CHST3: variants seen among roughly 807,000 people sequenced by gnomAD.
CHST3 encodes C6ST-1.
CHST3 carries 20 observed loss-of-function variants against 35.4 expected under a neutral mutation model. The ratio of observed to expected loss-of-function variants is 0.57; its 90% CI spans 0.40 to 0.82. The LOEUF (loss-of-function observed/expected upper bound fraction) is 0.82. Ranked by LOEUF, CHST3 falls within the 40% of genes least tolerant of loss-of-function variation. CHST3 has a pLI of 0.00. For synonymous variants in CHST3, 334 were observed against 295.9 expected (o/e 1.13, Z -1.32); for missense variants, 693 against 670.1 (o/e 1.03, Z -0.38).
At chr10:71,995,698 T>G (rs1839932400) in intron 1 of CHST3, among the ~76,000 whole-genome samples, 3 of 152,084 alleles carry the variant, frequency 2.0e-5, no homozygotes, top group Non-Finnish European at 4.4e-5. Flanking sequence ...GACCAGGGAA[T>G]GGCTGGTTGG....
At position 71,983,939 on chromosome 10, in the gene CHST3, C is replaced by T. The variant is rs1042824056; in HGVS notation, c.-108+19245C>T. ...ACTTTGTAACTTTACTTCATCCTCT[C>T]CATTTACATAGGGCGTACCCAAAAT... is the stretch of plus-strand genomic sequence containing the variant. On this transcript the variant is annotated intron_variant, in intron 1 of 2. Coordinates refer to ENST00000373115, the MANE Select transcript of CHST3 (RefSeq NM_004273.5). 3.3e-5 allele frequency among the ~76,000 whole-genome samples: 5 copies of T among 152,230 alleles called. 1 individual carries two copies. The East Asian group carries it at 9.6e-4, about 29-fold the overall frequency.
intron 1 of CHST3, among the ~76,000 whole-genome samples, chr10:72,002,643 T>A (rs1190373659): frequency 2.0e-5 from 3 of 152,126 alleles, no homozygotes; most frequent in Non-Finnish European, 4.4e-5. Context: ...TTCCCTCACA[T>A]CATCAGCTCC....
chr10:71,965,261 G>C (rs1177676567), intron 1 of CHST3, among the ~76,000 whole-genome samples: 2 of 151,844 alleles, frequency 1.3e-5, no homozygotes, highest in Non-Finnish European at 2.9e-5. Context: ...TGATGTGTGA[G>C]TGTGCGAAGC....
chr10:71,975,483 C>G (rs1006150362), intron 1 of CHST3, among the ~76,000 whole-genome samples: 12 of 152,244 alleles, frequency 7.9e-5, no homozygotes, highest in African/African-American at 2.9e-4. Flanking sequence ...GTTTTCATCT[C>G]AAAGTGTAGG....
chr10:71,983,527 T>G (rs531584687), intron 1 of CHST3, among the ~76,000 whole-genome samples: 2 of 152,288 alleles, frequency 1.3e-5, no homozygotes, highest in East Asian at 3.9e-4. Context: ...CTTGGCTCAC[T>G]GCAACCTCTG....
chr10:71,996,543 A>G (rs1028187337), intron 1 of CHST3, among the ~76,000 whole-genome samples: 9 of 150,810 alleles, frequency 6.0e-5, no homozygotes, highest in Non-Finnish European at 1.2e-4. Flanking sequence ...GGTGTGTCCT[A>G]TTTTTTGGTG....
chr10:71,985,818 A>C (rs1433208991), intron 1 of CHST3, among the ~76,000 whole-genome samples: 1 of 152,182 alleles, frequency 6.6e-6, no homozygotes, highest in East Asian at 1.9e-4. Context: ...CACAATCAGA[A>C]TGTTGACTTC....
rs765480356 is a variant in CHST3, at chr10:72,005,899, G to C, written c.57G>C (p.Lys19Asn). 9.3e-6 allele frequency: 15 copies of C among 1,614,252 alleles called. No individual in the cohort carries two copies. Among genetic ancestry groups the C allele is most frequent in the Non-Finnish European group, 1.3e-5 (15 of 1,180,040 alleles). Residue 19 changes from lysine to asparagine, a missense_variant, in exon 2 of 3, where the codon AAG (lysine) becomes AAC (asparagine). Coordinates refer to ENST00000373115, the MANE Select transcript of CHST3 (RefSeq NM_004273.5). ...QDCRDFVHSL[K>N]MRSKYALFLV... is the part of the protein sequence containing the mutation. ...GCCGGGACTTTGTGCACAGCCTGAAGATGAGAAGCAAATACGCCCTTTTCT... is the reference window on the plus strand; with the variant it reads ...GCCGGGACTTTGTGCACAGCCTGAACATGAGAAGCAAATACGCCCTTTTCT...
In CHST3 at chr10:72,010,134, G is replaced by A. The variant is rs1840094604; in HGVS notation, c.*1663G>A. ...CCTCGCCCCTCCCTGAGAAGAAGCT[G>A]GATTTGAAAATCCCTCACAGGCCCT... On this transcript the variant is annotated 3_prime_UTR_variant, in exon 3 of 3. Coordinates refer to ENST00000373115, the MANE Select transcript of CHST3 (RefSeq NM_004273.5). 6.6e-6 allele frequency: 1 copy of A among 152,332 alleles called. No homozygotes were observed. The highest frequency in any genetic ancestry group is 1.5e-5 in the Non-Finnish European group (1 of 68,156). 9.4% of individuals were successfully genotyped at this position (152,332 alleles called of 1,614,324 possible).
chr10:71,986,975 C>A (rs552525189), intron 1 of CHST3, among the ~76,000 whole-genome samples: 1 of 152,336 alleles, frequency 6.6e-6, no homozygotes, highest in East Asian at 1.9e-4. Context: ...AAATTCCTCA[C>A]CCAACGTCAG....
At chr10:71,989,659 A>G (rs1259786029) in intron 1 of CHST3, among the ~76,000 whole-genome samples, 2 of 152,186 alleles carry the variant, frequency 1.3e-5, no homozygotes, top group Non-Finnish European at 2.9e-5. Context: ...TCTTATATTG[A>G]TATTTTAGTA....
At chr10:71,964,821 G>A (rs1041844058) in intron 1 of CHST3, 127 bp downstream of exon 1, 1 of 152,312 alleles carries the variant, frequency 6.6e-6, no homozygotes, top group Admixed American at 6.5e-5. Context: ...CGAAGCGGAC[G>A]GTGGGAGGTG....
intron 1 of CHST3, among the ~76,000 whole-genome samples, chr10:71,998,876 C>A (rs1199907489): frequency 6.6e-6 from 1 of 152,072 alleles, no homozygotes; most frequent in Non-Finnish European, 1.5e-5. Context: ...AGTAACATAG[C>A]CCCATAGCCC....
intron 1 of CHST3, among the ~76,000 whole-genome samples, chr10:71,976,132 G>A (rs957412601): frequency 6.6e-6 from 1 of 152,296 alleles, no homozygotes; most frequent in South Asian, 2.1e-4. Context: ...TTTGTGGTTC[G>A]GGAAAATGAC....
At chr10:72,002,356 C>T (rs2219836) in intron 1 of CHST3, among the ~76,000 whole-genome samples, 1,768 of 152,282 alleles carry the variant, frequency 0.012, 29 homozygotes, top group African/African-American at 0.039. Flanking sequence ...CATTTAGGCA[C>T]CCCAACTTCT....
intron 1 of CHST3, among the ~76,000 whole-genome samples, chr10:71,969,201 TC>T (rs900103045): frequency 3.9e-5 from 6 of 152,252 alleles, no homozygotes; most frequent in African/African-American, 1.4e-4. Context: ...GCTCATCTGG[TC>T]CCCAGCTCTT....
chr10:71,967,981 T>TTA, intron 1 of CHST3, among the ~76,000 whole-genome samples: 1 of 150,228 alleles, frequency 6.7e-6, no homozygotes, highest in Non-Finnish European at 1.5e-5. Flanking sequence ...GCTAATTTTT[T>TTA]TTTTTTTTTG....
At chr10:71,969,382 C>T (rs367576644) in intron 1 of CHST3, among the ~76,000 whole-genome samples, 6 of 152,228 alleles carry the variant, frequency 3.9e-5, no homozygotes, top group East Asian at 1.9e-4. Flanking sequence ...TTTCTATCCC[C>T]GGCCCCAAGG....
chr10:72,011,737 T>A lies in CHST3; in HGVS notation c.*3266T>A, dbSNP rs1358700589. The A allele has an allele frequency of 6.6e-6, 1 of 152,242 alleles. No homozygotes were observed. The highest frequency in any genetic ancestry group is 1.5e-5 in the Non-Finnish European group (1 of 68,048). 9.4% of individuals were successfully genotyped at this position (152,242 alleles called of 1,614,324 possible). ...CTGCGGCCCAGCATATAGAAATGGC[T>A]CAGAACGTTCCAGGCCTTGGTGAGA... On this transcript the variant is annotated 3_prime_UTR_variant, in exon 3 of 3. Coordinates refer to ENST00000373115, the MANE Select transcript of CHST3 (RefSeq NM_004273.5).
Sources: allele counts gnomAD v4.1 joint callset (sites outside exome capture counted in the v4.1 genomes callset), GRCh38; gene constraint gnomAD v4.1.1; transcripts MANE v1.5; gene names NCBI Gene and HGNC (gene_info 2026-07-23, HGNC 2026-07-21).